RARB: variants seen among roughly 807,000 people sequenced by gnomAD.
RARB encodes retinoic acid receptor beta.
Under a neutral mutation model 51.9 loss-of-function variants are expected in RARB, and 17 were observed. The observed-to-expected ratio is 0.33, with a 90% CI of 0.22 to 0.49. RARB has a LOEUF of 0.49. Among genes scored for constraint, RARB ranks in the 20% least tolerant of loss-of-function variants. The pLI, the probability that RARB is intolerant of heterozygous loss-of-function variation, is 0.99. For synonymous variants in RARB, 215 were observed against 195.4 expected (o/e 1.10, Z -0.84); for missense variants, 369 against 550.8 (o/e 0.67, Z 3.30).
chr3:25,201,630 T>G (rs1701391839), intron 5 of RARB, among the ~76,000 whole-genome samples: 1 of 152,224 alleles, frequency 6.6e-6, no homozygotes, highest in African/African-American at 2.4e-5. Flanking sequence ...ATTGAGAGTT[T>G]TTAGCATGAA....
At chr3:24,994,914 C>A (rs1334150438) in intron 2 of RARB, among the ~76,000 whole-genome samples, 3 of 152,024 alleles carry the variant, frequency 2.0e-5, no homozygotes, top group Non-Finnish European at 4.4e-5. Context: ...AGTTTGAGGT[C>A]TGGTAGTGTG....
At chr3:24,874,975 A>G (rs1327399472) in intron 2 of RARB, among the ~76,000 whole-genome samples, 5 of 152,118 alleles carry the variant, frequency 3.3e-5, no homozygotes, top group Non-Finnish European at 5.9e-5. Flanking sequence ...ATAAAAATCT[A>G]ATGCTTATTA....
At chr3:24,932,884 G>A (rs1269235918) in intron 2 of RARB, among the ~76,000 whole-genome samples, 1 of 152,054 alleles carries the variant, frequency 6.6e-6, no homozygotes, top group East Asian at 1.9e-4. Flanking sequence ...TTCCTGCTCA[G>A]AAAGTAATTA....
At chr3:24,944,267 C>T (rs1487023417) in intron 2 of RARB, among the ~76,000 whole-genome samples, 1 of 152,162 alleles carries the variant, frequency 6.6e-6, no homozygotes, top group East Asian at 1.9e-4. Context: ...CATTGATCCC[C>T]TTGGGGATGT....
intron 5 of RARB, among the ~76,000 whole-genome samples, chr3:25,343,024 T>TGTGTGTGTG (rs1705278428): frequency 7.6e-6 from 1 of 132,058 alleles, no homozygotes; most frequent in Non-Finnish European, 1.6e-5. Flanking sequence ...TGCAAGTACT[T>TGTGTGTGTG]TGTGTGTGTG....
At chr3:25,183,759 A>G (rs1700914753) in intron 5 of RARB, among the ~76,000 whole-genome samples, 1 of 152,146 alleles carries the variant, frequency 6.6e-6, no homozygotes, top group Non-Finnish European at 1.5e-5. Flanking sequence ...GAATTCTTGG[A>G]CAGTCTTTCA....
At chr3:25,062,687 A>G (rs1698574870) in intron 3 of RARB, among the ~76,000 whole-genome samples, 1 of 151,972 alleles carries the variant, frequency 6.6e-6, no homozygotes, top group Admixed American at 6.6e-5. Flanking sequence ...ATGATTCTAC[A>G]TATACAAGAA....
chr3:25,219,648 C>T (rs770922480), intron 5 of RARB, among the ~76,000 whole-genome samples: 6 of 152,110 alleles, frequency 3.9e-5, no homozygotes, highest in Non-Finnish European at 5.9e-5. Context: ...GCCCAAACCC[C>T]GTCTTATCAG....
chr3:25,405,976 A>G (rs1707396703), intron 5 of RARB, among the ~76,000 whole-genome samples: 2 of 150,264 alleles, frequency 1.3e-5, no homozygotes, highest in Non-Finnish European at 3.0e-5. Flanking sequence ...CATTAGTAGC[A>G]ATAATACTGT....
chr3:25,355,153 A>G (rs1705694730), intron 5 of RARB, among the ~76,000 whole-genome samples: 1 of 152,150 alleles, frequency 6.6e-6, no homozygotes, highest in Non-Finnish European at 1.5e-5. Flanking sequence ...GGTGTGTTCA[A>G]AGTGCTACAT....
At chr3:25,524,607 CCCCTCCCTTCCT>C (rs1265019078) in intron 3 of RARB, among the ~76,000 whole-genome samples, 1 of 149,830 alleles carries the variant, frequency 6.7e-6, no homozygotes, top group Non-Finnish European at 1.5e-5. Flanking sequence ...CTTCTCTTCC[CCCCTCCCTTCCT>C]CCCTCCCTGC....
chr3:25,437,086 C>T (rs1456609353), intron 1 of RARB, among the ~76,000 whole-genome samples: 1 of 151,154 alleles, frequency 6.6e-6, no homozygotes. Context: ...GGCATGACAC[C>T]TGTGGCTTAC....
chr3:25,197,516 A>G (rs1701274577), intron 5 of RARB, among the ~76,000 whole-genome samples: 1 of 151,996 alleles, frequency 6.6e-6, no homozygotes, highest in African/African-American at 2.4e-5. Flanking sequence ...TTGTTTCCAG[A>G]TGACATCATC....
chr3:25,487,325 G>T (rs1375374773), intron 2 of RARB, among the ~76,000 whole-genome samples: 1 of 152,134 alleles, frequency 6.6e-6, no homozygotes, highest in African/African-American at 2.4e-5. Flanking sequence ...CGTGCGATGT[G>T]GTTTCACCTA....
chr3:25,377,017 G>GTTTTTTT (rs1559377362), intron 5 of RARB, among the ~76,000 whole-genome samples: 1 of 141,848 alleles, frequency 7.0e-6, no homozygotes, highest in Non-Finnish European at 1.6e-5. Flanking sequence ...TATTAGTTTA[G>GTTTTTTT]TTTGTTTGTT....
At chr3:25,249,129 T>C (rs1702641499) in intron 5 of RARB, among the ~76,000 whole-genome samples, 1 of 151,878 alleles carries the variant, frequency 6.6e-6, no homozygotes, top group Non-Finnish European at 1.5e-5. Context: ...TCATTCTTTT[T>C]TATTCTTTTT....
chr3:25,317,143 C>G (rs1317014975), intron 5 of RARB, among the ~76,000 whole-genome samples: 3 of 112,692 alleles, frequency 2.7e-5, no homozygotes, highest in African/African-American at 9.3e-5. Flanking sequence ...TAGAAAGTAT[C>G]TTATTATAAG....
At chr3:25,007,606 A>AAAAAAAAAAAAAAAAAAAAAAAAAAAC in intron 2 of RARB, among the ~76,000 whole-genome samples, 1 of 92,604 alleles carries the variant, frequency 1.1e-5, no homozygotes, top group African/African-American at 3.5e-5. Flanking sequence ...AAAAAAAAAC[A>AAAAAAAAAAAAAAAAAAAAAAAAAAAC]AAAAAACCTC....
intron 3 of RARB, among the ~76,000 whole-genome samples, chr3:25,070,576 A>G (rs1698747528): frequency 6.6e-6 from 1 of 152,226 alleles, no homozygotes. Context: ...TAGTACTTAC[A>G]ATATACAAAA....
Sources: gnomAD v4.1 joint callset for allele counts (sites outside exome capture counted in the v4.1 genomes callset) on GRCh38, gnomAD v4.1.1 for gene constraint, MANE v1.5 for transcripts, NCBI Gene and HGNC (gene_info 2026-07-23, HGNC 2026-07-21) for gene names.